FCRL5: variants seen among roughly 807,000 people sequenced by gnomAD.
FCRL5 encodes the protein Fc receptor-like protein 5.
FCRL5 carries 79 observed loss-of-function variants against 92.1 expected under a neutral mutation model. The observed-to-expected ratio is 0.86, with a 90% CI of 0.72 to 1.03. The LOEUF is 1.03. FCRL5 is among the 50% of genes least tolerant of loss of function. FCRL5 has a pLI of 0.00. For missense variants in FCRL5, 1,160 were observed against 1,181.1 expected (o/e 0.98, Z 0.26); for synonymous variants, 466 against 469.3 (o/e 0.99, Z 0.09).
Position 157,552,511 on chromosome 1 carries a change from T to C in FCRL5, c.-149A>G, listed in dbSNP as rs1394329293. The C allele has an allele frequency of 1.4e-6, 1 of 716,794 alleles. No homozygotes were observed. Among genetic ancestry groups the C allele is most frequent in the South Asian group, 1.8e-5 (1 of 54,338 alleles). The allele number at this position is 716,794 out of a possible 1,614,324, so 44.4% of individuals were successfully genotyped here. Reference sequence around the variant, plus strand: ...GTGCTCTCAAAAAGAGCAGAATGCATTAGTGAATTGAAAAAAGGAAGTGGG... The same window carrying C: ...GTGCTCTCAAAAAGAGCAGAATGCACTAGTGAATTGAAAAAAGGAAGTGGG... On this transcript the variant is annotated 5_prime_UTR_variant, in exon 1 of 17. An upstream start codon of the reference 5' UTR is lost. Coordinates refer to ENST00000361835, the MANE Select transcript of FCRL5 (RefSeq NM_031281.3).
chr1:157,552,293 C>T (rs371668752), intron 1 of FCRL5, 39 bp downstream of exon 1: 69 of 1,609,622 alleles, frequency 4.3e-5, no homozygotes, highest in Admixed American at 1.2e-4. Context: ...GAAGCTGTCC[C>T]GATCCCACCC....
Position 157,524,402 on chromosome 1 carries a change from G to A in FCRL5, c.2116C>T (p.Pro706Ser). ...TTGAAGGAGGCCCCTCCTCCAGAGG[G>A]GGCTGAGATCTTACCCAGGGTGACA... Reference protein sequence around the residue: ...EDVTLGKISAPSGGGASFNLS... With the variant: ...EDVTLGKISASSGGGASFNLS... The change falls in exon 10 of 17, where the codon CCC (proline) becomes TCC (serine). Residue 706 changes from proline to serine, a missense_variant. By Grantham distance (74) the Pro-to-Ser change is moderately conservative. Transcript: ENST00000361835. 9 of 1,614,222 alleles carry A rather than the reference G, an allele frequency of 5.6e-6. No individual in the cohort carries two copies. The highest frequency in any genetic ancestry group is 7.6e-6 in the Non-Finnish European group (9 of 1,180,042).
chr1:157,545,262 G>T (rs1440449861), intron 3 of FCRL5, among the ~76,000 whole-genome samples, 180 bp from the exon 4 acceptor site: 1 of 152,106 alleles, frequency 6.6e-6, no homozygotes, highest in African/African-American at 2.4e-5. Context: ...AAGTTGAAAA[G>T]CAGAAATGTA....
In FCRL5 at chr1:157,518,428, C is replaced by G. The variant is rs777421517; in HGVS notation, c.2812+1G>C. ...AGAACAGAGACATCCTTGGGTCTTACCTGCATGTTTCTTTTTCTCTTGGAT... is the reference window on the plus strand; with the variant it reads ...AGAACAGAGACATCCTTGGGTCTTAGCTGCATGTTTCTTTTTCTCTTGGAT... On this transcript the variant is annotated splice_donor_variant, in intron 15 of 16. Transcript: ENST00000361835. LOFTEE classifies it high-confidence loss of function. 6.2e-7 allele frequency: 1 copy of G among 1,613,034 alleles called. No individual in the cohort carries two copies. Among genetic ancestry groups the G allele is most frequent in the South Asian group, 1.1e-5 (1 of 91,050 alleles).
Position 157,521,202 on chromosome 1 carries a change from C to T in FCRL5, c.2330G>A (p.Arg777Lys), listed in dbSNP as rs1233756449. 9 of 1,613,996 alleles carry T rather than the reference C, an allele frequency of 5.6e-6. No homozygotes were observed. The highest frequency in any genetic ancestry group is 5.9e-6 in the Non-Finnish European group (7 of 1,180,038). ...DLLELHCEAL[R>K]GSPLILYRFF... ...CCGGTACAGGATCAGGGGAGAGCCT[C>T]TCAGGGCCTCACAGTGAAGCTCCAG... is the stretch of plus-strand genomic sequence containing the variant. Residue 777 changes from arginine (R) to lysine (K), a missense_variant, in exon 11 of 17, where the codon AGA becomes AAA. Arg to Lys is a conservative substitution (Grantham distance 26). Coordinates refer to ENST00000361835, the MANE Select transcript of FCRL5 (RefSeq NM_031281.3).
rs758927374 is a variant in FCRL5 at position 157,515,831 on chromosome 1, G to A, written c.2844+11C>T. 1.9e-6 allele frequency: 3 copies of A among 1,614,096 alleles called. No homozygotes were observed. In the East Asian group the frequency reaches 6.7e-5, roughly 36 times the overall value. Reference sequence around the variant, plus strand: ...GGGGGTGGGGGAGGGCATGCAGAAGGGGAGACTCACCTTGTTCCTGAGATG... The same window carrying A: ...GGGGGTGGGGGAGGGCATGCAGAAGAGGAGACTCACCTTGTTCCTGAGATG... On this transcript the variant is annotated intron_variant, in intron 16 of 16. Transcript: ENST00000361835.
chr1:157,516,806 G>C (rs768963699), intron 15 of FCRL5, among the ~76,000 whole-genome samples: 4 of 152,166 alleles, frequency 2.6e-5, no homozygotes. Flanking sequence ...CTAGAGTTTG[G>C]ACTCTGGAGA....
intron 6 of FCRL5, among the ~76,000 whole-genome samples, chr1:157,540,237 T>G (rs2101633707): frequency 6.6e-6 from 1 of 152,336 alleles, no homozygotes; most frequent in African/African-American, 2.4e-5. Context: ...TCTTGTCTTT[T>G]CTCCTCTCCC....
chr1:157,541,269 C>T (rs910925162), intron 6 of FCRL5, among the ~76,000 whole-genome samples: 1 of 152,202 alleles, frequency 6.6e-6, no homozygotes, highest in Non-Finnish European at 1.5e-5. Context: ...ACTGGACGCT[C>T]TCTTGATGAA....
intron 8 of FCRL5, 48 bp downstream of exon 8, chr1:157,534,566 G>A (rs1650856838): frequency 6.2e-7 from 1 of 1,610,470 alleles, no homozygotes; most frequent in African/African-American, 1.3e-5. Flanking sequence ...GAATGGGTGA[G>A]AGAGAACTCA....
chr1:157,520,576 G>C, intron 11 of FCRL5, 29 bp from the exon 12 acceptor site: 1 of 1,547,638 alleles, frequency 6.5e-7, no homozygotes, highest in Non-Finnish European at 8.8e-7. Flanking sequence ...GTGTGAGCCA[G>C]AGGAGAGGCT....
At position 157,539,279 on chromosome 1, in the gene FCRL5, G is replaced by A; in HGVS notation, c.1209C>T (p.Ala403=). ...EGAKVTLHCE[A]QRGSLPILYQ... is the part of the protein sequence containing the mutation. ...ACAGGATGGGGAGTGAACCTCTCTG[G>A]GCTTCACAGTGAAGTGTCACCTTGG... The change falls in exon 7 of 17, where the codon GCC becomes GCT. Residue 403 remains alanine, a synonymous_variant. Transcript: ENST00000361835. 1 of 1,614,144 alleles carries A rather than the reference G, an allele frequency of 6.2e-7. No individual in the cohort carries two copies. The highest frequency in any genetic ancestry group is 8.5e-7 in the Non-Finnish European group (1 of 1,180,010).
At chr1:157,519,698 T>C (rs3811032) in intron 13 of FCRL5, 45 bp downstream of exon 13, 25,616 of 1,601,190 alleles carry the variant, frequency 0.016, 619 homozygotes, top group East Asian at 0.08. Flanking sequence ...TTTTCCACCC[T>C]GTGGACATTT....
In FCRL5 at chr1:157,534,628, C is replaced by T. The variant is rs1650861927; in HGVS notation, c.1667G>A (p.Ser556Asn). ...CCAGCACTTACCAGTGACAAAAAGGCTCACCACTTCACTGCGCTGGGGACC... is the reference window on the plus strand; with the variant it reads ...CCAGCACTTACCAGTGACAAAAAGGTTCACCACTTCACTGCGCTGGGGACC... Reference protein sequence around the residue: ...GFGPQRSEVVSLFVTVPVSRP... With the variant: ...GFGPQRSEVVNLFVTVPVSRP... The change falls in exon 8 of 17, where the codon AGC becomes AAC. Residue 556 changes from serine to asparagine, a missense_variant. Ser to Asn is a conservative substitution (Grantham distance 46, BLOSUM62 1). Coordinates refer to ENST00000361835, the MANE Select transcript of FCRL5 (RefSeq NM_031281.3). 1 of 1,614,184 alleles carries T rather than the reference C, an allele frequency of 6.2e-7. No individual in the cohort carries two copies. Among genetic ancestry groups the T allele is most frequent in the East Asian group, 2.2e-5 (1 of 44,884 alleles).
intron 8 of FCRL5, among the ~76,000 whole-genome samples, chr1:157,528,964 C>A (rs1650565482): frequency 6.6e-6 from 1 of 152,114 alleles, no homozygotes; most frequent in Admixed American, 6.5e-5. Flanking sequence ...ATAGATGGGT[C>A]TGAATTAAAT....
intron 8 of FCRL5, among the ~76,000 whole-genome samples, chr1:157,531,415 T>C (rs904366193): frequency 6.6e-6 from 1 of 152,158 alleles, no homozygotes; most frequent in African/African-American, 2.4e-5. Context: ...CATGGAAGTT[T>C]CTCAATAAAA....
intron 15 of FCRL5, among the ~76,000 whole-genome samples, chr1:157,517,774 A>G (rs1021530702): frequency 1.3e-5 from 2 of 152,188 alleles, no homozygotes; most frequent in African/African-American, 4.8e-5. Flanking sequence ...AAACTAGTAC[A>G]GGTAGGTAGG....
chr1:157,541,458 C>G (rs1032772932), intron 6 of FCRL5, among the ~76,000 whole-genome samples: 6 of 152,374 alleles, frequency 3.9e-5, no homozygotes, highest in South Asian at 2.1e-4. Context: ...CCTTCCTCTC[C>G]AACCTTATCC....
At chr1:157,544,106 G>A (rs1651404278) in intron 5 of FCRL5, among the ~76,000 whole-genome samples, 156 bp downstream of exon 5, 1 of 152,188 alleles carries the variant, frequency 6.6e-6, no homozygotes. Flanking sequence ...GCTCTTCTAA[G>A]ATGTTCACAA....
Sources: allele counts gnomAD v4.1 joint callset (sites outside exome capture counted in the v4.1 genomes callset), GRCh38; gene constraint gnomAD v4.1.1; transcripts MANE v1.5; gene names NCBI Gene and HGNC (gene_info 2026-07-23, HGNC 2026-07-21).